DPF3: variants seen among roughly 807,000 people sequenced by gnomAD.
DPF3 encodes the protein zinc finger protein DPF3.
In DPF3, 18 loss-of-function variants were observed where a neutral mutation model predicts 56.8. The ratio of observed to expected loss-of-function variants is 0.32; its 90% CI spans 0.22 to 0.47. DPF3 has a LOEUF of 0.47. DPF3 is among the 20% of genes least tolerant of loss of function. DPF3 has a pLI of 1.00. For missense variants in DPF3, 403 were observed against 488.8 expected, an observed-to-expected ratio of 0.82 and a Z score of 1.65; for synonymous variants, 188 against 180.2, an observed-to-expected ratio of 1.04 and a Z score of -0.35.
chr14:72,662,572 A>C, intron 8 of DPF3: 1 of 985,182 alleles, frequency 1.0e-6, no homozygotes, highest in Non-Finnish European at 1.2e-6. Context: ...ATGAAGATTT[A>C]AAAAGAAAAA....
Position 72,628,816 on chromosome 14 carries a change from T to C in DPF3, c.984+808A>G, listed in dbSNP as rs186553552. 9.2e-5 allele frequency among the ~76,000 whole-genome samples: 14 copies of C among 152,162 alleles called. No individual in the cohort carries two copies. The East Asian group carries it at 2.3e-3, about 25-fold the overall frequency. On this transcript the variant is annotated intron_variant, in intron 9 of 10. Transcript: ENST00000556509. Reference sequence around the variant, plus strand: ...CAGAGATATACTCAGTCAAATACAGTCATGAGAACTTGAACAAATGATCTG... The same window carrying C: ...CAGAGATATACTCAGTCAAATACAGCCATGAGAACTTGAACAAATGATCTG...
At chr14:72,736,505 G>A (rs1199924954) in intron 3 of DPF3, among the ~76,000 whole-genome samples, 1 of 152,168 alleles carries the variant, frequency 6.6e-6, no homozygotes, top group South Asian at 2.1e-4. Context: ...AGTTCTAGCG[G>A]ATCACTGCAA....
At chr14:72,628,106 C>T (rs1413270103) in intron 9 of DPF3, among the ~76,000 whole-genome samples, 1 of 151,992 alleles carries the variant, frequency 6.6e-6, no homozygotes, top group Non-Finnish European at 1.5e-5. Flanking sequence ...TAATTAAATT[C>T]TCCTGTCTAA....
intron 7 of DPF3, among the ~76,000 whole-genome samples, chr14:72,690,195 G>A (rs887025495): frequency 6.6e-6 from 1 of 152,158 alleles, no homozygotes; most frequent in African/African-American, 2.4e-5. Context: ...CGTAGGGCGA[G>A]GGGAGACAGG....
At position 72,723,706 on chromosome 14, in the gene DPF3, T is replaced by C. The variant is rs901232813; in HGVS notation, c.452A>G (p.Asn151Ser). Residue 151 changes from asparagine to serine, a missense_variant, in exon 5 of 11, where the codon AAT becomes AGT. Around this residue, in one of 2 missense-constraint regions of DPF3, gnomAD observed 340 missense variants for 374.3 expected, o/e 0.91. Transcript: ENST00000556509. ...EIQRVLENDE[N>S]VEEGNEEEDL... The stretch of plus-strand genomic sequence containing the variant: ...CTCTTCTTCATTCCCTTCTTCTACA[T>C]TTTCATCATTTTCCAAAACCCTCTG... 6.3e-7 allele frequency: 1 copy of C among 1,579,744 alleles called. No homozygotes were observed. The highest frequency in any genetic ancestry group is 1.4e-5 in the African/African-American group (1 of 71,942).
At position 72,619,255 on chromosome 14, in the gene DPF3, T is replaced by G; in HGVS notation, c.*42A>C. On this transcript the variant is annotated 3_prime_UTR_variant, in exon 11 of 11. Transcript: ENST00000556509. The stretch of plus-strand genomic sequence containing the variant: ...GTTCTGGTTTGAACTGGGCTCTGCT[T>G]TAGGATCTCCAGCAGCGAGTCACAT... 1.3e-6 allele frequency: 2 copies of G among 1,529,274 alleles called. No individual in the cohort carries two copies. The highest frequency in any genetic ancestry group is 8.8e-7 in the Non-Finnish European group (1 of 1,141,242). 94.7% of individuals were successfully genotyped at this position (1,529,274 alleles called of 1,614,324 possible). A position where few individuals can be genotyped will look rare whatever the true frequency, so the allele number is the denominator to read the frequency against.
intron 9 of DPF3, among the ~76,000 whole-genome samples, chr14:72,621,902 T>C (rs534978462): frequency 2.0e-4 from 31 of 152,174 alleles, no homozygotes; most frequent in Non-Finnish European, 4.1e-4. Context: ...AGCAGACTCA[T>C]GGGAGGGAGA....
intron 1 of DPF3, among the ~76,000 whole-genome samples, chr14:72,874,445 C>T (rs1886030030): frequency 6.6e-6 from 1 of 151,628 alleles, no homozygotes; most frequent in African/African-American, 2.4e-5. Context: ...TGACACTGCA[C>T]TCCAGCCTAG....
At chr14:72,862,557 T>C (rs771843213) in intron 1 of DPF3, among the ~76,000 whole-genome samples, 1 of 152,272 alleles carries the variant, frequency 6.6e-6, no homozygotes, top group East Asian at 1.9e-4. Context: ...TAAAACCTTC[T>C]GGTAGGTCCC....
intron 8 of DPF3, among the ~76,000 whole-genome samples, chr14:72,639,184 C>G (rs1476679699): frequency 6.6e-6 from 1 of 152,148 alleles, no homozygotes; most frequent in African/African-American, 2.4e-5. Context: ...TGATCAGATT[C>G]TCATAGAAAA....
chr14:72,794,923 C>G (rs1190506331), intron 1 of DPF3, among the ~76,000 whole-genome samples: 1 of 152,046 alleles, frequency 6.6e-6, no homozygotes, highest in African/African-American at 2.4e-5. Context: ...ACTTCTACCT[C>G]CACTTCCAAT....
chr14:72,714,678 A>G (rs970358755), intron 5 of DPF3, among the ~76,000 whole-genome samples, 177 bp from the exon 6 acceptor site: 2 of 151,846 alleles, frequency 1.3e-5, no homozygotes, highest in African/African-American at 4.8e-5. Flanking sequence ...CCCCCAAATC[A>G]CTCAGTTGCT....
intron 1 of DPF3, among the ~76,000 whole-genome samples, chr14:72,839,387 G>A (rs907905287): frequency 9.2e-5 from 14 of 152,062 alleles, no homozygotes; most frequent in African/African-American, 2.9e-4. Context: ...AAAGGCATTC[G>A]GCAATTTGTG....
chr14:72,838,605 C>T (rs930092714), intron 1 of DPF3, among the ~76,000 whole-genome samples: 2 of 151,692 alleles, frequency 1.3e-5, no homozygotes, highest in African/African-American at 2.4e-5. Flanking sequence ...GCCTGTAATC[C>T]CAGCACTTTG....
At chr14:72,808,094 G>A (rs1882869498) in intron 1 of DPF3, among the ~76,000 whole-genome samples, 1 of 152,126 alleles carries the variant, frequency 6.6e-6, no homozygotes, top group Non-Finnish European at 1.5e-5. Flanking sequence ...AGGATAAGGT[G>A]GGAGTTAGGA....
chr14:72,773,932 C>A (rs1263582377), intron 1 of DPF3: 1 of 455,492 alleles, frequency 2.2e-6, no homozygotes, highest in Non-Finnish European at 4.4e-6. Flanking sequence ...GTTGCTTCCA[C>A]ATTTTAGCTA....
At chr14:72,812,625 C>A (rs1883102488) in intron 1 of DPF3, among the ~76,000 whole-genome samples, 2 of 152,114 alleles carry the variant, frequency 1.3e-5, no homozygotes, top group South Asian at 4.2e-4. Context: ...GGAGAGTACG[C>A]TGGGCCCGGT....
chr14:72,730,336 GT>G (rs2139853506), intron 4 of DPF3, among the ~76,000 whole-genome samples: 1 of 152,318 alleles, frequency 6.6e-6, no homozygotes, highest in South Asian at 2.1e-4. Context: ...AAAGGTGACA[GT>G]TAATGAGGAT....
chr14:72,629,648 G>A lies in DPF3; in HGVS notation c.960C>T (p.Ile320=). 1 of 1,536,018 alleles carries A rather than the reference G, an allele frequency of 6.5e-7. No homozygotes were observed. Among genetic ancestry groups the A allele is most frequent in the South Asian group, 1.2e-5 (1 of 84,060 alleles). The change falls in exon 9 of 11, where the codon ATC becomes ATT. Residue 320 remains isoleucine (I), a synonymous_variant. Transcript: ENST00000556509. ...KWQCIECKSC[I]LCGTSENDDQ... ...CATCATTCTCTGAGGTCCCACAGAG[G>A]ATACAGGATTTGCACTCTATGCACT...
Sources: gnomAD v4.1 joint callset for allele counts (sites outside exome capture counted in the v4.1 genomes callset) on GRCh38, gnomAD v4.1.1 for gene constraint, gnomAD v4.1.1 regional missense constraint, MANE v1.5 for transcripts, NCBI Gene and HGNC (gene_info 2026-07-23, HGNC 2026-07-21) for gene names.